Variants in GPC6 observed in about 807,000 individuals in gnomAD.
GPC6 encodes glypican-6.
Under a neutral mutation model 55.2 loss-of-function variants are expected in GPC6, and 14 were observed. That is an observed-to-expected ratio of 0.25 (90% CI 0.17 to 0.40). The LOEUF is 0.40. Among genes scored for constraint, GPC6 ranks in the 10% least tolerant of loss-of-function variants. GPC6 has a pLI of 1.00. For missense variants in GPC6, 641 were observed against 708.5 expected (o/e 0.90, Z 1.08); for synonymous variants, 278 against 259.6 (o/e 1.07, Z -0.68).
At chr13:93,558,146 T>A (rs1030724490) in intron 2 of GPC6, among the ~76,000 whole-genome samples, 1 of 152,186 alleles carries the variant, frequency 6.6e-6, no homozygotes, top group Non-Finnish European at 1.5e-5. Flanking sequence ...GGGAAAAAAA[T>A]TTAGTTTTTC....
intron 2 of GPC6, among the ~76,000 whole-genome samples, chr13:93,653,694 A>C (rs1344654177): frequency 6.6e-6 from 1 of 151,952 alleles, no homozygotes; most frequent in African/African-American, 2.4e-5. Flanking sequence ...AAGGAAGTTA[A>C]AGTTTACTGT....
At chr13:93,636,825 C>T (rs1011831926) in intron 2 of GPC6, among the ~76,000 whole-genome samples, 5 of 152,068 alleles carry the variant, frequency 3.3e-5, no homozygotes, top group African/African-American at 1.2e-4. Flanking sequence ...TTATTTGTTA[C>T]TGCAGCAAAG....
chr13:94,022,035 C>T (rs560760623), intron 3 of GPC6, among the ~76,000 whole-genome samples: 9 of 152,128 alleles, frequency 5.9e-5, no homozygotes, highest in African/African-American at 2.2e-4. Context: ...AAAATGGTTA[C>T]TGTAGTGGAA....
At chr13:93,907,271 A>G (rs17195813) in intron 3 of GPC6, among the ~76,000 whole-genome samples, 52,701 of 151,866 alleles carry the variant, frequency 0.35, 9,338 homozygotes, top group Middle Eastern at 0.47. Flanking sequence ...AAATCCACTT[A>G]TTATTCTAAT....
intron 2 of GPC6, among the ~76,000 whole-genome samples, chr13:93,829,002 G>A (rs779370269): frequency 7.9e-4 from 121 of 152,232 alleles, no homozygotes; most frequent in Middle Eastern, 3.4e-3. Flanking sequence ...ACCCCAGAAA[G>A]GAGAAGAGTC....
chr13:94,142,627 A>G (rs1887421416), intron 4 of GPC6, among the ~76,000 whole-genome samples: 1 of 152,194 alleles, frequency 6.6e-6, no homozygotes, highest in Non-Finnish European at 1.5e-5. Context: ...AAAACAAAGC[A>G]AAACAGCCTT....
At chr13:93,976,411 T>C (rs1232066556) in intron 3 of GPC6, among the ~76,000 whole-genome samples, 1 of 151,970 alleles carries the variant, frequency 6.6e-6, no homozygotes, top group African/African-American at 2.4e-5. Context: ...AATCAAACAT[T>C]GCTAGATAAG....
chr13:93,656,365 T>C (rs1880666840), intron 2 of GPC6, among the ~76,000 whole-genome samples: 4 of 152,168 alleles, frequency 2.6e-5, no homozygotes, highest in Admixed American at 1.3e-4. Flanking sequence ...TTTATAAGTA[T>C]ACCAATGAGA....
At chr13:93,235,650 T>A (rs1056271123) in intron 1 of GPC6, among the ~76,000 whole-genome samples, 4 of 152,024 alleles carry the variant, frequency 2.6e-5, no homozygotes, top group South Asian at 4.1e-4. Flanking sequence ...GGGAAAATTT[T>A]AAAAAATTAA....
At chr13:93,462,508 G>A (rs1224879812) in intron 1 of GPC6, among the ~76,000 whole-genome samples, 1 of 151,676 alleles carries the variant, frequency 6.6e-6, no homozygotes, top group African/African-American at 2.4e-5. Context: ...TTTAAAAAGC[G>A]GTCATTCTTC....
intron 4 of GPC6, among the ~76,000 whole-genome samples, chr13:94,089,280 G>C (rs987016526): frequency 3.3e-5 from 5 of 152,180 alleles, no homozygotes; most frequent in African/African-American, 9.7e-5. Flanking sequence ...AGATGGATTA[G>C]GTCAGAGCCC....
intron 1 of GPC6, among the ~76,000 whole-genome samples, chr13:93,275,252 G>A (rs1342482779): frequency 6.6e-6 from 1 of 152,160 alleles, no homozygotes; most frequent in African/African-American, 2.4e-5. Context: ...GTTCATTTAA[G>A]ATCTTAATTG....
At chr13:93,707,351 T>C (rs1566496756) in intron 2 of GPC6, among the ~76,000 whole-genome samples, 1 of 151,654 alleles carries the variant, frequency 6.6e-6, no homozygotes, top group Non-Finnish European at 1.5e-5. Context: ...CAGACTACAT[T>C]TGTACTTCTG....
intron 3 of GPC6, among the ~76,000 whole-genome samples, chr13:93,914,541 C>T (rs1877190708): frequency 2.0e-5 from 3 of 152,174 alleles, no homozygotes; most frequent in African/African-American, 7.2e-5. Flanking sequence ...TTATTGGATC[C>T]ATTGAAGTTA....
intron 4 of GPC6, among the ~76,000 whole-genome samples, chr13:94,067,670 T>A (rs1884576698): frequency 6.6e-6 from 1 of 152,154 alleles, no homozygotes; most frequent in East Asian, 1.9e-4. Context: ...AAGAGATATT[T>A]GTGTTTGTAT....
chr13:93,969,205 A>C (rs919646738), intron 3 of GPC6, among the ~76,000 whole-genome samples: 2 of 152,216 alleles, frequency 1.3e-5, no homozygotes, highest in Non-Finnish European at 2.9e-5. Flanking sequence ...ATTGATATCA[A>C]CTGTGGTTTG....
chr13:94,311,516 G>C (rs1041881753), intron 6 of GPC6, among the ~76,000 whole-genome samples: 5 of 152,298 alleles, frequency 3.3e-5, no homozygotes, highest in Admixed American at 2.0e-4. Context: ...ATCATGGACT[G>C]AGGAAGGAAG....
intron 1 of GPC6, among the ~76,000 whole-genome samples, chr13:93,389,480 G>T (rs184925173): frequency 6.7e-6 from 1 of 148,264 alleles, no homozygotes; most frequent in Non-Finnish European, 1.5e-5. Context: ...CTCCAGCTTG[G>T]GCAACAGAGC....
intron 4 of GPC6, among the ~76,000 whole-genome samples, chr13:94,128,690 A>G (rs1279830223): frequency 6.6e-6 from 1 of 152,198 alleles, no homozygotes; most frequent in East Asian, 1.9e-4. Flanking sequence ...CAAGAGAGCC[A>G]GAAATTGCAA....
Sources: allele counts gnomAD v4.1 joint callset (sites outside exome capture counted in the v4.1 genomes callset), GRCh38; gene constraint gnomAD v4.1.1; transcripts MANE v1.5; gene names NCBI Gene and HGNC (gene_info 2026-07-23, HGNC 2026-07-21).